The following NBPF12 variants were observed in gnomAD, a reference collection of about 807,000 sequenced individuals.
The protein encoded by NBPF12 is NBPF family member NBPF12.
A neutral mutation model predicts 146.4 loss-of-function variants in NBPF12; 115 were observed. The observed-to-expected ratio is 0.79, with a 90% confidence interval of 0.68 to 0.92. The LOEUF (loss-of-function observed/expected upper bound fraction) is 0.92. Among genes scored for constraint, NBPF12 ranks in the 40% least tolerant of loss-of-function variants. The pLI is 0.00. For synonymous variants in NBPF12, 385 were observed against 508.9 expected (o/e 0.76, Z 3.28); for missense variants, 1,205 against 1,326.8 (o/e 0.91, Z 1.43).
intron 9 of NBPF12, among the ~76,000 whole-genome samples, 196 bp downstream of exon 12, chr1:146,966,869 A>G (rs1342437358): frequency 6.0e-5 from 9 of 149,608 alleles, no homozygotes; most frequent in East Asian, 2.0e-4. Flanking sequence ...CATGTTTGCA[A>G]TCAGGTGGGG....
At chr1:146,983,012 G>T (rs1657488800) in exon 20 of NBPF12, 9 of 1,609,404 alleles carry the variant, frequency 5.6e-6, no homozygotes, top group Middle Eastern at 4.3e-4. Context: ...CTCCTGAAAG[G>T]TTGGCCTCAT....
At chr1:146,945,074 TCCTC>T (rs1387385230), upstream of NBPF12, among the ~76,000 whole-genome samples, 2 of 106,016 alleles carry the variant, frequency 1.9e-5, no homozygotes, top group Admixed American at 9.1e-5. Flanking sequence ...CTTCTTTTCT[TCCTC>T]CCTCCCTTCC....
upstream of NBPF12, among the ~76,000 whole-genome samples, chr1:146,944,930 C>G (rs1391858617): frequency 1.2e-5 from 1 of 85,310 alleles, no homozygotes; most frequent in African/African-American, 5.3e-5. Flanking sequence ...CTCCCTGCCT[C>G]CCTCCCTCCC....
intron 5 of NBPF12, 142 bp downstream of exon 8, chr1:146,962,405 T>G (rs1165482924): frequency 1.6e-5 from 11 of 695,832 alleles, no homozygotes; most frequent in East Asian, 1.0e-4. Context: ...ACACAAATAT[T>G]TATCAGAGAA....
At chr1:146,969,129 C>T (rs1656408394) in intron 10 of NBPF12, among the ~76,000 whole-genome samples, 1 of 151,104 alleles carries the variant, frequency 6.6e-6, no homozygotes, top group Non-Finnish European at 1.5e-5. Context: ...TAGGAAGACA[C>T]CTACTTTTGT....
chr1:146,977,831 G>A (rs1393081147), intron 18 of NBPF12, among the ~76,000 whole-genome samples, 160 bp downstream of exon 21: 24 of 151,290 alleles, frequency 1.6e-4, no homozygotes, highest in African/African-American at 5.8e-4. Context: ...CTAATGTCAT[G>A]CCTTTGTCTG....
chr1:146,970,016 A>T (rs1397933913), intron 11 of NBPF12, among the ~76,000 whole-genome samples: 60 of 149,872 alleles, frequency 4.0e-4, no homozygotes, highest in African/African-American at 1.5e-3. Context: ...CTGCAAAGGC[A>T]GACAAATTGT....
At chr1:146,961,693 A>T (rs1182996813) in intron 4 of NBPF12, among the ~76,000 whole-genome samples, 3 of 152,034 alleles carry the variant, frequency 2.0e-5, no homozygotes, top group Non-Finnish European at 4.4e-5. Flanking sequence ...ATTGATTTAA[A>T]AATGAAATAT....
intron 9 of NBPF12, 33 bp downstream of exon 12, chr1:146,966,706 A>G (rs2101861847): frequency 2.6e-6 from 3 of 1,136,528 alleles, no homozygotes; most frequent in South Asian, 2.4e-5. Context: ...CACGAAAGTG[A>G]TGAACAACGT....
upstream of NBPF12, among the ~76,000 whole-genome samples, chr1:146,948,954 GTA>G (rs1412333049): frequency 2.6e-5 from 4 of 151,546 alleles, no homozygotes; most frequent in African/African-American, 4.9e-5. Context: ...AGATGTTTAT[GTA>G]TATGCACATC....
At chr1:146,984,742 T>A in intron 21 of NBPF12, 71 bp from the exon 25 acceptor site, 2 of 822,862 alleles carry the variant, frequency 2.4e-6, no homozygotes, top group Admixed American at 1.7e-5. Context: ...ATGTTAGCCA[T>A]GAAATCTAGC....
At chr1:146,968,994 C>T (rs1656388630) in intron 10 of NBPF12, among the ~76,000 whole-genome samples, 2 of 151,582 alleles carry the variant, frequency 1.3e-5, no homozygotes, top group Admixed American at 6.6e-5. Flanking sequence ...ACCCCATCTG[C>T]ATCTGGCCTC....
At chr1:146,972,925 T>G (rs2101882267) in exon 14 of NBPF12, 1 of 975,790 alleles carries the variant, frequency 1.0e-6, no homozygotes, top group East Asian at 2.4e-5. Flanking sequence ...GTAACTCAAG[T>G]GGCCTGCTTC....
At chr1:146,982,604 C>T (rs1559527345) in intron 19 of NBPF12, among the ~76,000 whole-genome samples, 1 of 151,760 alleles carries the variant, frequency 6.6e-6, no homozygotes, top group Non-Finnish European at 1.5e-5. Context: ...AAATTCAACC[C>T]AATTTATGCA....
chr1:146,986,085 C>T (rs1475494224), intron 23 of NBPF12, among the ~76,000 whole-genome samples: 2 of 151,932 alleles, frequency 1.3e-5, no homozygotes, highest in African/African-American at 4.9e-5. Flanking sequence ...TCAGAGTGTC[C>T]TTTGACCCCT....
intron 2 of NBPF12, among the ~76,000 whole-genome samples, chr1:146,953,902 A>G (rs1264699653): frequency 2.0e-5 from 3 of 151,834 alleles, no homozygotes; most frequent in African/African-American, 7.3e-5. Context: ...ACAGATAATG[A>G]CTGTGTTTGT....
chr1:146,984,866 T>G, exon 22 of NBPF12: 8 of 1,563,982 alleles, frequency 5.1e-6, no homozygotes, highest in Non-Finnish European at 5.3e-6. Context: ...CAGGACTCAC[T>G]GGATAGATGT....
upstream of NBPF12, among the ~76,000 whole-genome samples, chr1:146,945,342 G>T (rs1423570745): frequency 1.3e-5 from 2 of 150,950 alleles, no homozygotes; most frequent in Non-Finnish European, 1.5e-5. Context: ...CAGCTGCTGA[G>T]TCTCAGTGGT....
intron 2 of NBPF12, chr1:146,957,809 G>A (rs1295130151): frequency 8.3e-6 from 1 of 121,076 alleles, no homozygotes; most frequent in African/African-American, 3.0e-5. Context: ...AGTAGCCCTC[G>A]CTCCGCCACT....
Sources: gnomAD v4.1 joint callset for allele counts (sites outside exome capture counted in the v4.1 genomes callset) on GRCh38, gnomAD v4.1.1 for gene constraint, MANE v1.5 for transcripts, NCBI Gene and HGNC (gene_info 2026-07-23, HGNC 2026-07-21) for gene names.